The following VWA8 variants were observed in gnomAD, a reference collection of about 807,000 sequenced individuals.
VWA8 encodes von Willebrand factor A domain-containing protein 8.
A neutral mutation model predicts 241.5 loss-of-function variants in VWA8; 221 were observed. The ratio of observed to expected loss-of-function variants is 0.91; its 90% CI spans 0.82 to 1.02. VWA8 has a LOEUF of 1.02. VWA8 is among the 50% of genes least tolerant of loss of function. The pLI, the probability that VWA8 is intolerant of heterozygous loss-of-function variation, is 0.00. For missense variants in VWA8, 2,322 were observed against 2,328.7 expected, an observed-to-expected ratio of 1.00 and a Z score of 0.06; for synonymous variants, 852 against 827.1, an observed-to-expected ratio of 1.03 and a Z score of -0.52.
chr13:41,708,517 G>A (rs1158477143), intron 26 of VWA8, among the ~76,000 whole-genome samples: 6 of 152,062 alleles, frequency 3.9e-5, no homozygotes, highest in Admixed American at 1.3e-4. Context: ...TCAGAATGTC[G>A]CTTCCCTACC....
intron 21 of VWA8, among the ~76,000 whole-genome samples, chr13:41,735,470 A>C (rs1305770714): frequency 2.0e-5 from 3 of 152,336 alleles, no homozygotes; most frequent in East Asian, 3.9e-4. Flanking sequence ...AGCACAAATC[A>C]GATGATTTCC....
intron 26 of VWA8, among the ~76,000 whole-genome samples, chr13:41,704,462 A>ATTT (rs1566421929): frequency 6.7e-6 from 1 of 149,122 alleles, no homozygotes; most frequent in African/African-American, 2.5e-5. Context: ...TTAAGTCTTC[A>ATTT]CTTTTTTTTT....
At chr13:41,689,544 GA>G in intron 33 of VWA8, 36 bp from the exon 34 acceptor site, 1 of 1,484,838 alleles carries the variant, frequency 6.7e-7, no homozygotes, top group Non-Finnish European at 9.0e-7. Flanking sequence ...ATATGCTCCT[GA>G]AATGCTCCAG....
At chr13:41,596,438 TG>T (rs1566381175) in intron 40 of VWA8, among the ~76,000 whole-genome samples, 1 of 152,152 alleles carries the variant, frequency 6.6e-6, no homozygotes, top group Non-Finnish European at 1.5e-5. Flanking sequence ...CTGTATTTTA[TG>T]AGACTTAGTG....
intron 2 of VWA8, among the ~76,000 whole-genome samples, chr13:41,925,146 T>G (rs537583369): frequency 2.0e-5 from 3 of 152,206 alleles, no homozygotes; most frequent in African/African-American, 7.2e-5. Flanking sequence ...CAGTCAAAAA[T>G]ACTACACCCA....
At chr13:41,686,936 C>T (rs189318778) in intron 34 of VWA8, among the ~76,000 whole-genome samples, 10 of 152,194 alleles carry the variant, frequency 6.6e-5, no homozygotes, top group Admixed American at 5.9e-4. Context: ...GCTTAACGTC[C>T]ATCACTAGTG....
chr13:41,904,514 A>G (rs1350249374), intron 4 of VWA8, among the ~76,000 whole-genome samples: 2 of 152,120 alleles, frequency 1.3e-5, no homozygotes, highest in East Asian at 3.9e-4. Context: ...AGTATAGAAA[A>G]GAGGCAAATT....
chr13:41,612,003 C>G (rs909632070), intron 38 of VWA8, among the ~76,000 whole-genome samples: 1 of 152,212 alleles, frequency 6.6e-6, no homozygotes, highest in Non-Finnish European at 1.5e-5. Flanking sequence ...GATCCATACT[C>G]TTGTGTACTA....
chr13:41,635,495 T>C (rs2044750891), intron 37 of VWA8, among the ~76,000 whole-genome samples: 1 of 152,216 alleles, frequency 6.6e-6, no homozygotes, highest in African/African-American at 2.4e-5. Flanking sequence ...AGTGACTCCC[T>C]TTCTTCCTTG....
At chr13:41,624,862 G>A (rs1013140528) in intron 37 of VWA8, among the ~76,000 whole-genome samples, 2 of 152,070 alleles carry the variant, frequency 1.3e-5, no homozygotes, top group Non-Finnish European at 2.9e-5. Context: ...CATCCAAATA[G>A]AAAGACAGAA....
At chr13:41,582,748 C>T (rs1183404536) in intron 42 of VWA8, among the ~76,000 whole-genome samples, 1 of 151,944 alleles carries the variant, frequency 6.6e-6, no homozygotes, top group Non-Finnish European at 1.5e-5. Context: ...TGATACAGAA[C>T]AGAATGCATG....
intron 2 of VWA8, among the ~76,000 whole-genome samples, chr13:41,929,478 A>G (rs945767674): frequency 6.6e-6 from 1 of 152,172 alleles, no homozygotes; most frequent in Admixed American, 6.6e-5. Context: ...TGTGTGTATC[A>G]AAATATCACA....
In VWA8 at chr13:41,706,475, C is replaced by T. The variant is rs1359750337; in HGVS notation, c.3117-3064G>A. On this transcript the variant is annotated intron_variant, in intron 26 of 44. Transcript: ENST00000379310. ...AACATGGGGTATTATTGTTTCCGGA[C>T]TTTTACTGTAGGCTCTAGGCTGGCC... is the stretch of plus-strand genomic sequence containing the variant. Among the ~76,000 whole-genome samples, 3 of 152,160 alleles carry T rather than the reference C, an allele frequency of 2.0e-5. No homozygotes were observed. The East Asian group carries it at 5.8e-4, about 29-fold the overall frequency.
intron 37 of VWA8, among the ~76,000 whole-genome samples, chr13:41,646,978 A>C (rs1460737922): frequency 6.6e-6 from 1 of 152,232 alleles, no homozygotes; most frequent in African/African-American, 2.4e-5. Flanking sequence ...TTCATCTATA[A>C]AATGGGACTA....
intron 20 of VWA8, among the ~76,000 whole-genome samples, chr13:41,765,501 T>C (rs1447776320): frequency 6.6e-6 from 1 of 152,236 alleles, no homozygotes; most frequent in African/African-American, 2.4e-5. Context: ...GTAAATATCC[T>C]GAGCAAAATG....
At chr13:41,590,269 AT>A (rs922133319) in intron 41 of VWA8, among the ~76,000 whole-genome samples, 9 of 152,256 alleles carry the variant, frequency 5.9e-5, no homozygotes, top group African/African-American at 2.2e-4. Flanking sequence ...CTGCTGTCTC[AT>A]TCTGCCCTTT....
chr13:41,846,075 T>C (rs1872278508), intron 12 of VWA8, among the ~76,000 whole-genome samples: 1 of 151,608 alleles, frequency 6.6e-6, no homozygotes, highest in Non-Finnish European at 1.5e-5. Flanking sequence ...GAGACAGGTC[T>C]CCCTACATTG....
intron 24 of VWA8, 69 bp from the exon 25 acceptor site, chr13:41,721,644 A>G (rs2045393119): frequency 1.3e-6 from 2 of 1,493,618 alleles, no homozygotes; most frequent in African/African-American, 1.4e-5. Context: ...AAAAAATGGA[A>G]TGGTTGTTTA....
chr13:41,764,117 T>C (rs2045762253), intron 20 of VWA8, among the ~76,000 whole-genome samples: 2 of 152,138 alleles, frequency 1.3e-5, no homozygotes, highest in African/African-American at 2.4e-5. Context: ...CCAAACCTAC[T>C]TTTTTCTCTT....
Sources: allele counts gnomAD v4.1 joint callset (sites outside exome capture counted in the v4.1 genomes callset), GRCh38; gene constraint gnomAD v4.1.1; transcripts MANE v1.5; gene names NCBI Gene and HGNC (gene_info 2026-07-23, HGNC 2026-07-21).